Variants in TRIB2 observed in about 807,000 individuals in gnomAD.
TRIB2 encodes the protein tribbles pseudokinase 2, also known as tribbles homolog 2.
Under a neutral mutation model 26.8 loss-of-function variants are expected in TRIB2, and 2 were observed. That is an observed-to-expected ratio of 0.07 (90% CI 0.03 to 0.24). The LOEUF (loss-of-function observed/expected upper bound fraction) is 0.24. TRIB2 is among the 10% of genes least tolerant of loss of function. TRIB2 has a pLI of 1.00. For synonymous variants in TRIB2, 189 were observed against 187.3 expected (o/e 1.01, Z -0.08); for missense variants, 306 against 449.0 (o/e 0.68, Z 2.88).
chr2:12,728,491 G>C, intron 2 of TRIB2, among the ~76,000 whole-genome samples: 1 of 152,194 alleles, frequency 6.6e-6, no homozygotes, highest in Non-Finnish European at 1.5e-5. Flanking sequence ...TTCTCTCTGG[G>C]TTCAAGGCTT....
At chr2:12,739,121 A>G (rs867664622) in intron 2 of TRIB2, among the ~76,000 whole-genome samples, 1 of 152,170 alleles carries the variant, frequency 6.6e-6, no homozygotes, top group Non-Finnish European at 1.5e-5. Context: ...CACGTGGGAA[A>G]TTGGAATCAC....
At position 12,740,446 on chromosome 2, in the gene TRIB2, C is replaced by A. The variant is rs762477259; in HGVS notation, c.684C>A (p.Gly228=). 1.2e-6 allele frequency: 2 copies of A among 1,614,146 alleles called. No homozygotes were observed. Among genetic ancestry groups the A allele is most frequent in the Admixed American group, 1.7e-5 (1 of 60,014 alleles). ...YVSPEILNTS[G]SYSGKAADVW... ...GCCCAGAGATCTTGAACACCAGTGGCAGCTACTCGGGCAAAGCAGCCGACG... is the reference window on the plus strand; with the variant it reads ...GCCCAGAGATCTTGAACACCAGTGGAAGCTACTCGGGCAAAGCAGCCGACG... Residue 228 remains glycine, a synonymous_variant, in exon 3 of 3, where the codon GGC becomes GGA. Coordinates refer to ENST00000155926, the MANE Select transcript of TRIB2 (RefSeq NM_021643.4). This position sits in a 1 kb window ranked among gnomAD's most constrained non-coding sequence, Gnocchi z 5.8.
At chr2:12,724,514 C>T (rs1661294728) in intron 2 of TRIB2, 1 of 1,501,924 alleles carries the variant, frequency 6.7e-7, no homozygotes, top group African/African-American at 1.4e-5. Flanking sequence ...TGGAGACCAG[C>T]TCATATCTTG....
chr2:12,738,901 G>C (rs535092933), intron 2 of TRIB2, among the ~76,000 whole-genome samples: 77 of 152,300 alleles, frequency 5.1e-4, no homozygotes, highest in African/African-American at 1.9e-3. Context: ...GATGACATCA[G>C]ATCTTACTGT....
rs142971674 is a variant in TRIB2 at position 12,722,465 on chromosome 2, G to T, written c.271-795G>T. On this transcript the variant is annotated intron_variant, in intron 1 of 2. Transcript: ENST00000155926. The stretch of plus-strand genomic sequence containing the variant: ...TATATAACCTCAAAAATTCTCTGTA[G>T]TGTTAATTGCTGTTAGGTCTGTTTC... Among the ~76,000 whole-genome samples the T allele has an allele frequency of 3.7e-3, 571 of 152,344 alleles. 1 individual carries two copies. The highest frequency in any genetic ancestry group is 6.1e-3 in the Non-Finnish European group (413 of 68,030).
At chr2:12,736,199 A>T (rs1401135972) in intron 2 of TRIB2, among the ~76,000 whole-genome samples, 2 of 152,160 alleles carry the variant, frequency 1.3e-5, no homozygotes, top group Non-Finnish European at 2.9e-5. Context: ...TTGGTCAGAG[A>T]TGCGACAAAA....
chr2:12,723,494 G>C lies in TRIB2; in HGVS notation c.505G>C (p.Gly169Arg). ...CTCGGCAGTGGCCCACTGCCATGAC[G>C]GGGGGCTGGTGCTGCGGGACCTCAA... ...IASAVAHCHD[G>R]GLVLRDLKLR... Residue 169 changes from glycine to arginine, a missense_variant, in exon 2 of 3, where the codon GGG becomes CGG. Transcript: ENST00000155926. 2 of 1,614,156 alleles carry C rather than the reference G, an allele frequency of 1.2e-6. No homozygotes were observed. The highest frequency in any genetic ancestry group is 1.7e-6 in the Non-Finnish European group (2 of 1,180,028).
chr2:12,734,679 G>C (rs577725868), intron 2 of TRIB2, among the ~76,000 whole-genome samples: 1 of 152,278 alleles, frequency 6.6e-6, no homozygotes, highest in African/African-American at 2.4e-5. Flanking sequence ...CTGAGAAGGT[G>C]GGTGTTACTT....
Position 12,726,330 on chromosome 2 carries a change from C to T in TRIB2, c.563+2778C>T, listed in dbSNP as rs948018858. 1.7e-4 allele frequency among the ~76,000 whole-genome samples: 26 copies of T among 152,362 alleles called. No homozygotes were observed. The Middle Eastern group carries it at 0.01, about 60-fold the overall frequency. ...TGTGAAACTTCTGCTTTTTGTTCCA[C>T]AATGTATTTCTCCTTCTCTGCCTCC... On this transcript the variant is annotated intron_variant, in intron 2 of 2. Coordinates refer to ENST00000155926, the MANE Select transcript of TRIB2 (RefSeq NM_021643.4).
At chr2:12,726,049 G>A (rs1661334727) in intron 2 of TRIB2, among the ~76,000 whole-genome samples, 1 of 152,208 alleles carries the variant, frequency 6.6e-6, no homozygotes, top group South Asian at 2.1e-4. Context: ...TCCATCGAGA[G>A]CTCTTCTTCC....
At chr2:12,727,919 T>C (rs1280440727) in intron 2 of TRIB2, among the ~76,000 whole-genome samples, 1 of 152,170 alleles carries the variant, frequency 6.6e-6, no homozygotes, top group Non-Finnish European at 1.5e-5. Flanking sequence ...GCGTGCCCTG[T>C]GCACTCCGCC....
rs960150188 is a variant in TRIB2 at position 12,741,273 on chromosome 2, A to C, written c.*479A>C. On this transcript the variant is annotated 3_prime_UTR_variant, in exon 3 of 3. Transcript: ENST00000155926. ...AGCTGGTAATTAATGAGGTTCACTTAAAAAAAAAATTCGGTGCACACAGAC... is the reference window on the plus strand; with the variant it reads ...AGCTGGTAATTAATGAGGTTCACTTCAAAAAAAAATTCGGTGCACACAGAC... The C allele has an allele frequency of 1.3e-5, 2 of 152,432 alleles. No homozygotes were observed. Among genetic ancestry groups the C allele is most frequent in the Admixed American group, 1.3e-4 (2 of 15,630 alleles). 9.4% of individuals were successfully genotyped at this position (152,432 alleles called of 1,614,324 possible).
rs796865881 is a variant in TRIB2 at position 12,717,215 on chromosome 2, G to T, written c.-1093G>T. On this transcript the variant is annotated 5_prime_UTR_variant, in exon 1 of 3. Coordinates refer to ENST00000155926, the MANE Select transcript of TRIB2 (RefSeq NM_021643.4). The surrounding 1 kb of genome is among the most constrained non-coding windows in gnomAD (Gnocchi z 4.8). ...AACCCCACCGGGCAATTTGGTCTCG[G>T]GGTAGGGGGAGACGGGGTGATTGCA... 12 of 396,830 alleles carry T rather than the reference G, an allele frequency of 3.0e-5. 1 individual carries two copies. Among genetic ancestry groups the T allele is most frequent in the African/African-American group, 2.5e-4 (12 of 48,728 alleles). The allele number at this position is 396,830 out of a possible 1,614,324, so 24.6% of individuals were successfully genotyped here. A position where few individuals can be genotyped will look rare whatever the true frequency, so the allele number is the denominator to read the frequency against.
At chr2:12,731,681 T>G (rs1293735036) in intron 2 of TRIB2, among the ~76,000 whole-genome samples, 1 of 152,210 alleles carries the variant, frequency 6.6e-6, no homozygotes, top group Non-Finnish European at 1.5e-5. Flanking sequence ...TCTCATTCAT[T>G]ACGTGCCTAC....
At position 12,717,427 on chromosome 2, in the gene TRIB2, G is replaced by C; in HGVS notation, c.-881G>C. 2.5e-6 allele frequency: 1 copy of C among 398,500 alleles called. No homozygotes were observed. Among genetic ancestry groups the C allele is most frequent in the Middle Eastern group, 6.3e-4 (1 of 1,588 alleles). 24.7% of individuals were successfully genotyped at this position (398,500 alleles called of 1,614,324 possible). A position where few individuals can be genotyped will look rare whatever the true frequency, so the allele number is the denominator to read the frequency against. The stretch of plus-strand genomic sequence containing the variant: ...GCACGTCTGGCTGCATTCGGAGGAA[G>C]ACCTGGGGCGCGAGCGAGCGGCGAC... On this transcript the variant is annotated 5_prime_UTR_variant, in exon 1 of 3. Transcript: ENST00000155926. This position sits in a 1 kb window ranked among gnomAD's most constrained non-coding sequence, Gnocchi z 4.8.
At chr2:12,726,934 CATGGAA>C in intron 2 of TRIB2, among the ~76,000 whole-genome samples, 1 of 152,304 alleles carries the variant, frequency 6.6e-6, no homozygotes, top group East Asian at 1.9e-4. Flanking sequence ...CATGGCCATC[CATGGAA>C]ACGTTGTTAG....
intron 1 of TRIB2, 126 bp from the exon 2 acceptor site, chr2:12,723,134 C>T: frequency 9.2e-7 from 1 of 1,086,708 alleles, no homozygotes; most frequent in Non-Finnish European, 1.3e-6. Flanking sequence ...CCAATGTGGT[C>T]TGGGTCCAAG....
rs574110378 is a variant in TRIB2 at position 12,737,171 on chromosome 2, T to A, written c.564-3155T>A. Among the ~76,000 whole-genome samples, 6 of 152,336 alleles carry A rather than the reference T, an allele frequency of 3.9e-5. 1 individual carries two copies. The South Asian group carries it at 1.2e-3, about 32-fold the overall frequency. ...GATGAGCTGCATCACCACTGCAGGT[T>A]TGGGGCAGACGAACCTGGGCAAAAC... is the stretch of plus-strand genomic sequence containing the variant. On this transcript the variant is annotated intron_variant, in intron 2 of 2. Coordinates refer to ENST00000155926, the MANE Select transcript of TRIB2 (RefSeq NM_021643.4).
intron 2 of TRIB2, among the ~76,000 whole-genome samples, chr2:12,735,757 G>A (rs1661554374): frequency 6.6e-6 from 1 of 152,102 alleles, no homozygotes; most frequent in South Asian, 2.1e-4. Flanking sequence ...TCTGACCTGG[G>A]CTGGTTTTTG....
Sources: allele counts gnomAD v4.1 joint callset (sites outside exome capture counted in the v4.1 genomes callset), GRCh38; gene constraint gnomAD v4.1.1; non-coding constraint Gnocchi (gnomAD v3.1); transcripts MANE v1.5; gene names NCBI Gene and HGNC (gene_info 2026-07-23, HGNC 2026-07-21).